Variants in SUMF1 observed in about 807,000 individuals in gnomAD.
SUMF1 encodes the protein sulfatase modifying factor 1.
In SUMF1, 48 loss-of-function variants were observed where a neutral mutation model predicts 47.6. The ratio of observed to expected loss-of-function variants is 1.01; its 90% CI spans 0.80 to 1.28. The LOEUF (loss-of-function observed/expected upper bound fraction) is 1.28. Ranked by LOEUF, SUMF1 falls within the 50% of genes most tolerant of loss-of-function variation. The pLI is 0.00. For synonymous variants in SUMF1, 230 were observed against 192.1 expected (o/e 1.20, Z -1.63); for missense variants, 571 against 485.4 (o/e 1.18, Z -1.66).
At chr3:4,323,728 T>C (rs899139831) in intron 8 of SUMF1, among the ~76,000 whole-genome samples, 1 of 152,190 alleles carries the variant, frequency 6.6e-6, no homozygotes, top group African/African-American at 2.4e-5. Context: ...CTACTCCACT[T>C]ACTTTCTGTC....
intron 6 of SUMF1, among the ~76,000 whole-genome samples, chr3:4,416,283 T>C (rs896332177): frequency 1.3e-5 from 2 of 152,144 alleles, no homozygotes; most frequent in African/African-American, 4.8e-5. Context: ...TTAATATTTA[T>C]GTACAAGATG....
intron 3 of SUMF1, among the ~76,000 whole-genome samples, chr3:4,440,523 T>C (rs1702551240): frequency 6.6e-6 from 1 of 152,218 alleles, no homozygotes; most frequent in African/African-American, 2.4e-5. Context: ...AGTTTAGAGT[T>C]GTCGTGCAGT....
chr3:4,316,781 G>A, intron 8 of SUMF1: 1 of 1,550,690 alleles, frequency 6.4e-7, no homozygotes, highest in Middle Eastern at 1.7e-4. Context: ...ACCCAAAAAA[G>A]GTCATGGTCA....
Position 4,157,399 on chromosome 3 carries a change from T to C in SUMF1, c.1015-88654A>G, listed in dbSNP as rs1455675332. 1.3e-5 allele frequency among the ~76,000 whole-genome samples: 2 copies of C among 151,708 alleles called. 1 individual carries two copies. The highest frequency in any genetic ancestry group is 4.9e-5 in the African/African-American group (2 of 40,974). On this transcript the variant is annotated intron_variant and NMD_transcript_variant, in intron 8 of 12. Transcript: ENST00000448413. ...GCTGTCATTATCCATAAGTTTATGA[T>C]GGAATATTTATCAACATTACAGGTA...
At chr3:4,373,522 G>T (rs1358891775) in intron 8 of SUMF1, among the ~76,000 whole-genome samples, 1 of 151,866 alleles carries the variant, frequency 6.6e-6, no homozygotes, top group African/African-American at 2.4e-5. Flanking sequence ...GGAGGCTGAG[G>T]CAGGACAATT....
At position 4,193,169 on chromosome 3, in the gene SUMF1, TAGTG is replaced by T. The variant is rs544622972; in HGVS notation, c.1015-124428_1015-124425del. Among the ~76,000 whole-genome samples the T allele has an allele frequency of 7.2e-5, 11 of 152,270 alleles. No homozygotes were observed. In the South Asian group the frequency reaches 2.3e-3, roughly 32 times the overall value. On this transcript the variant is annotated intron_variant and NMD_transcript_variant, in intron 8 of 12. Coordinates refer to the SUMF1 transcript ENST00000448413. ...CTGGAAGCTACTAGGCATATGTAGA[TAGTG>T]AGCACTTGAAATATGGGTATTATAC...
intron 7 of SUMF1, among the ~76,000 whole-genome samples, chr3:4,391,165 G>A (rs149079948): frequency 1.4e-4 from 22 of 152,226 alleles, no homozygotes; most frequent in Admixed American, 1.4e-3. Flanking sequence ...TGTATGTGAT[G>A]AACTGTTTTC....
Position 4,057,643 on chromosome 3 carries a change from C to T in SUMF1, c.1191+10926G>A, listed in dbSNP as rs570556934. Among the ~76,000 whole-genome samples, 3 of 152,150 alleles carry T rather than the reference C, an allele frequency of 2.0e-5. No homozygotes were observed. In the South Asian group the frequency reaches 6.2e-4, roughly 32 times the overall value. On this transcript the variant is annotated intron_variant and NMD_transcript_variant, in intron 9 of 12. Coordinates refer to the SUMF1 transcript ENST00000448413. ...CAGAGTTGTTATGAATATTAAATTA[C>T]ATGGTATACTTAGCAAACTATAAAG... is the stretch of plus-strand genomic sequence containing the variant.
chr3:4,040,110 G>T (rs1234187180), intron 9 of SUMF1, among the ~76,000 whole-genome samples: 1 of 152,046 alleles, frequency 6.6e-6, no homozygotes, highest in Non-Finnish European at 1.5e-5. Context: ...AACTATGTAA[G>T]GTGATAGATA....
intron 6 of SUMF1, among the ~76,000 whole-genome samples, chr3:4,412,126 T>C (rs1404811788): frequency 6.6e-6 from 1 of 152,196 alleles, no homozygotes; most frequent in Non-Finnish European, 1.5e-5. Flanking sequence ...AAATCAGCAA[T>C]CATTATGGAA....
chr3:4,150,195 C>A (rs1447618732), intron 8 of SUMF1, among the ~76,000 whole-genome samples: 1 of 151,670 alleles, frequency 6.6e-6, no homozygotes, highest in Admixed American at 6.6e-5. Flanking sequence ...CTGGGCTCAA[C>A]CAATTGTCTT....
chr3:4,056,338 T>C (rs997410748), intron 9 of SUMF1, among the ~76,000 whole-genome samples: 1 of 152,106 alleles, frequency 6.6e-6, no homozygotes, highest in African/African-American at 2.4e-5. Flanking sequence ...AAAAGGTTCA[T>C]ACAGTATGAA....
chr3:4,146,738 T>C lies in SUMF1; in HGVS notation c.1015-77993A>G, dbSNP rs7636604. On this transcript the variant is annotated intron_variant and NMD_transcript_variant, in intron 8 of 12. Coordinates refer to the SUMF1 transcript ENST00000448413. ...TGTGTGATGTTCCCCTTCCTGTGTC[T>C]ATGTGTTCTCACTGTTCAATTCCCA... Among the ~76,000 whole-genome samples, 333 of 149,152 alleles carry C rather than the reference T, an allele frequency of 2.2e-3. 2 individuals are homozygous for C. Among genetic ancestry groups the C allele is most frequent in the African/African-American group, 7.6e-3 (307 of 40,426 alleles).
At chr3:4,148,046 G>T (rs1694236596) in intron 8 of SUMF1, among the ~76,000 whole-genome samples, 1 of 152,066 alleles carries the variant, frequency 6.6e-6, no homozygotes, top group South Asian at 2.1e-4. Flanking sequence ...AAAAAATGAA[G>T]CATTTTTAAC....
At chr3:4,462,497 C>G (rs1398339063) in intron 1 of SUMF1, among the ~76,000 whole-genome samples, 1 of 152,198 alleles carries the variant, frequency 6.6e-6, no homozygotes, top group Non-Finnish European at 1.5e-5. Flanking sequence ...ACTAGGGGAG[C>G]TATAAATGTC....
chr3:4,098,750 G>C (rs957865504), intron 8 of SUMF1, among the ~76,000 whole-genome samples: 4 of 152,134 alleles, frequency 2.6e-5, no homozygotes, highest in African/African-American at 9.7e-5. Flanking sequence ...GCATTCTGCA[G>C]ATAATCATCC....
At chr3:4,109,977 T>C (rs1481759328) in intron 8 of SUMF1, among the ~76,000 whole-genome samples, 1 of 152,178 alleles carries the variant, frequency 6.6e-6, no homozygotes. Flanking sequence ...AGGAGCTGCG[T>C]TCCTTTGGAG....
At chr3:4,135,977 G>T (rs1693919293) in intron 8 of SUMF1, among the ~76,000 whole-genome samples, 1 of 152,020 alleles carries the variant, frequency 6.6e-6, no homozygotes. Flanking sequence ...AATAAAAGAG[G>T]ATACAAACAA....
intron 8 of SUMF1, chr3:4,229,396 G>C (rs73806955): frequency 0.012 from 4,591 of 376,856 alleles, 200 homozygotes; most frequent in African/African-American, 0.091. Flanking sequence ...AACCACAAGA[G>C]CATGTCTTAG....
Sources: gnomAD v4.1 joint callset for allele counts (sites outside exome capture counted in the v4.1 genomes callset) on GRCh38, gnomAD v4.1.1 for gene constraint, MANE v1.5 for transcripts, NCBI Gene and HGNC (gene_info 2026-07-23, HGNC 2026-07-21) for gene names.